Variants in UBE2W observed in about 807,000 individuals in gnomAD.
The protein encoded by UBE2W is ubiquitin conjugating enzyme E2 W, also known as ubiquitin-conjugating enzyme E2 W.
A neutral mutation model predicts 27.2 loss-of-function variants in UBE2W; 18 were observed. The ratio of observed to expected loss-of-function variants is 0.66; its 90% confidence interval spans 0.46 to 0.98. UBE2W has a LOEUF of 0.98. Ranked by LOEUF, UBE2W falls within the 50% of genes least tolerant of loss-of-function variation. UBE2W has a pLI of 0.00. For missense variants in UBE2W, 90 were observed against 180.2 expected (o/e 0.50, Z 2.87); for synonymous variants, 53 against 57.2 (o/e 0.93, Z 0.33).
intron 4 of UBE2W, among the ~76,000 whole-genome samples, chr8:73,806,112 G>C (rs757294319): frequency 1.3e-5 from 2 of 151,932 alleles, no homozygotes; most frequent in Non-Finnish European, 2.9e-5. Flanking sequence ...CCAAGATTGT[G>C]ACATTGCACT....
intron 1 of UBE2W, among the ~76,000 whole-genome samples, chr8:73,877,368 G>A (rs1255642916): frequency 1.3e-5 from 2 of 152,056 alleles, no homozygotes; most frequent in African/African-American, 4.8e-5. Flanking sequence ...TGCACCATTC[G>A]TGATATCTCT....
At chr8:73,832,136 A>ATATATATATATATAT (rs1563601304) in intron 1 of UBE2W, among the ~76,000 whole-genome samples, 4 of 145,348 alleles carry the variant, frequency 2.8e-5, no homozygotes, top group African/African-American at 1.1e-4. Context: ...AAAATAAATA[A>ATATATATATATATAT]ATATATATAT....
intron 3 of UBE2W, among the ~76,000 whole-genome samples, chr8:73,815,593 T>C (rs1364129947): frequency 6.6e-6 from 1 of 152,220 alleles, no homozygotes; most frequent in Non-Finnish European, 1.5e-5. Context: ...CTTTCTAATA[T>C]GAAATTCAAG....
At chr8:73,817,132 T>C (rs1809422647) in intron 3 of UBE2W, among the ~76,000 whole-genome samples, 1 of 151,752 alleles carries the variant, frequency 6.6e-6, no homozygotes, top group Non-Finnish European at 1.5e-5. Context: ...GAGACCAGCC[T>C]GGCCAACATG....
At chr8:73,817,825 GT>G (rs1809456048) in intron 3 of UBE2W, among the ~76,000 whole-genome samples, 1 of 152,224 alleles carries the variant, frequency 6.6e-6, no homozygotes, top group Non-Finnish European at 1.5e-5. Context: ...GGACTTCAGA[GT>G]TTTGATGGAG....
rs1808166281 is a variant in UBE2W, at chr8:73,790,969, ATTCT to A, written c.*3129_*3132del. ...TTCATGAGGGAAAAGGTAATAAACTATTCTAGTTATTTTATACCAAATATTGATA... is the reference window on the plus strand; with the variant it reads ...TTCATGAGGGAAAAGGTAATAAACTAAGTTATTTTATACCAAATATTGATA... On this transcript the variant is annotated 3_prime_UTR_variant, in exon 6 of 6. Transcript: ENST00000602593. 2.0e-6 allele frequency: 2 copies of A among 980,460 alleles called. No individual in the cohort carries two copies. The highest frequency in any genetic ancestry group is 2.4e-6 in the Non-Finnish European group (2 of 825,568). The allele number at this position is 980,460 out of a possible 1,614,324, so 60.7% of individuals were successfully genotyped here.
In UBE2W at chr8:73,790,287, A is replaced by G. The variant is rs915746259; in HGVS notation, c.*3815T>C. On this transcript the variant is annotated 3_prime_UTR_variant, in exon 6 of 6. Coordinates refer to ENST00000602593, the MANE Select transcript of UBE2W (RefSeq NM_018299.6). ...GGCAGAAAAATAGGAAGAAAAATAA[A>G]GGACAGATTTAAAACAATTTAAAAA... 1 of 985,308 alleles carries G rather than the reference A, an allele frequency of 1.0e-6. No homozygotes were observed. The highest frequency in any genetic ancestry group is 1.7e-5 in the African/African-American group (1 of 57,242). 61.0% of individuals were successfully genotyped at this position (985,308 alleles called of 1,614,324 possible).
Position 73,806,532 on chromosome 8 carries a change from C to G in UBE2W, c.367-806G>C, listed in dbSNP as rs548486056. Among the ~76,000 whole-genome samples, 4 of 129,826 alleles carry G rather than the reference C, an allele frequency of 3.1e-5. No homozygotes were observed. The South Asian group carries it at 7.0e-4, about 23-fold the overall frequency. 85.2% of individuals were successfully genotyped at this position (129,826 alleles called of 152,430 possible). On this transcript the variant is annotated intron_variant, in intron 4 of 5. Coordinates refer to ENST00000602593, the MANE Select transcript of UBE2W (RefSeq NM_018299.6). ...GGCTAACACGGTGAAACCCTGTCTG[C>G]TAAAAATACAAAAAAAAAAAAAAAA...
At chr8:73,876,457 A>C (rs1164705506) in intron 1 of UBE2W, among the ~76,000 whole-genome samples, 1 of 152,232 alleles carries the variant, frequency 6.6e-6, no homozygotes, top group African/African-American at 2.4e-5. Flanking sequence ...ATATTTTAAA[A>C]TACAAATAAA....
At chr8:73,812,331 T>C (rs1193778826) in intron 3 of UBE2W, among the ~76,000 whole-genome samples, 1 of 152,198 alleles carries the variant, frequency 6.6e-6, no homozygotes, top group Non-Finnish European at 1.5e-5. Context: ...TTTGATTTTG[T>C]AATGGCTACG....
Position 73,803,203 on chromosome 8 carries a change from G to A in UBE2W, c.442+2448C>T, listed in dbSNP as rs189140538. Reference sequence around the variant, plus strand: ...TGCACTCCAGCCTGGGCAACAGAGCGAGACTTCATCTCAAAAAATAAATAA... The same window carrying A: ...TGCACTCCAGCCTGGGCAACAGAGCAAGACTTCATCTCAAAAAATAAATAA... On this transcript the variant is annotated intron_variant, in intron 5 of 5. Coordinates refer to ENST00000602593, the MANE Select transcript of UBE2W (RefSeq NM_018299.6). Among the ~76,000 whole-genome samples, 457 of 152,120 alleles carry A rather than the reference G, an allele frequency of 3.0e-3. 4 individuals are homozygous for A. The highest frequency in any genetic ancestry group is 0.011 in the African/African-American group (439 of 41,508).
At position 73,877,314 on chromosome 8, in the gene UBE2W, A is replaced by G. The variant is rs772302408; in HGVS notation, c.15+1494T>C. ...CTTCTCCAACGTCTCTGGGGAGACT[A>G]GTGTAAAGTATAATGTTTCCTGAAA... On this transcript the variant is annotated intron_variant, in intron 1 of 5. Coordinates refer to ENST00000602593, the MANE Select transcript of UBE2W (RefSeq NM_018299.6). Among the ~76,000 whole-genome samples, 9 of 152,166 alleles carry G rather than the reference A, an allele frequency of 5.9e-5. No individual in the cohort carries two copies. The South Asian group carries it at 8.3e-4, about 14-fold the overall frequency.
rs78653866 is a variant in UBE2W, at chr8:73,817,995, G to A, written c.210+7152C>T. Among the ~76,000 whole-genome samples the A allele has an allele frequency of 4.9e-3, 745 of 152,276 alleles. 6 individuals carry two copies. The highest frequency in any genetic ancestry group is 0.017 in the African/African-American group (716 of 41,546). ...ACTACAAGAGCCCATGCTCACAAAT[G>A]TAAGGAGGCCAAGTCCTTTCACACC... On this transcript the variant is annotated intron_variant, in intron 3 of 5. Coordinates refer to ENST00000602593, the MANE Select transcript of UBE2W (RefSeq NM_018299.6).
intron 5 of UBE2W, among the ~76,000 whole-genome samples, chr8:73,794,624 G>A (rs1198341531): frequency 2.0e-5 from 3 of 152,074 alleles, no homozygotes; most frequent in East Asian, 1.9e-4. Context: ...TTTTCAGGCC[G>A]GACACGGTGG....
intron 3 of UBE2W, among the ~76,000 whole-genome samples, chr8:73,817,883 T>C (rs1450398968): frequency 6.6e-6 from 1 of 152,168 alleles, no homozygotes; most frequent in Non-Finnish European, 1.5e-5. Context: ...CAAACTTCTT[T>C]CACACTGCAA....
rs540097389 is a variant in UBE2W, at chr8:73,878,838, C to T, written c.-16G>A. 12 of 1,549,624 alleles carry T rather than the reference C, an allele frequency of 7.7e-6. No homozygotes were observed. In the South Asian group the frequency reaches 8.3e-5, roughly 11 times the overall value. ...TTGACGCCATGATGGAACCATCCCC[C>T]CAAGACCGGCGAGGCCAGAGACGCA... On this transcript the variant is annotated 5_prime_UTR_variant, in exon 1 of 6. Transcript: ENST00000602593.
At chr8:73,839,514 G>A (rs542690165) in intron 1 of UBE2W, among the ~76,000 whole-genome samples, 29 of 151,712 alleles carry the variant, frequency 1.9e-4, no homozygotes, top group East Asian at 1.2e-3. Flanking sequence ...AAAATCAGCC[G>A]GGCATGGTGG....
intron 1 of UBE2W, among the ~76,000 whole-genome samples, chr8:73,840,279 A>G (rs961466942): frequency 1.3e-5 from 2 of 149,706 alleles, no homozygotes; most frequent in Admixed American, 6.7e-5. Flanking sequence ...GATGGTCTCT[A>G]TCTCCTGACC....
At chr8:73,835,389 T>G (rs985351079) in intron 1 of UBE2W, among the ~76,000 whole-genome samples, 2 of 152,146 alleles carry the variant, frequency 1.3e-5, no homozygotes, top group African/African-American at 4.8e-5. Flanking sequence ...CTGATCTGTG[T>G]GACCAATGGA....
Sources: allele counts gnomAD v4.1 joint callset (sites outside exome capture counted in the v4.1 genomes callset), GRCh38; gene constraint gnomAD v4.1.1; transcripts MANE v1.5; gene names NCBI Gene and HGNC (gene_info 2026-07-23, HGNC 2026-07-21).